The following MARCHF1 variants were observed in gnomAD, a reference collection of about 807,000 sequenced individuals.
MARCHF1 encodes membrane associated ring-CH-type finger 1.
Under a neutral mutation model 54.2 loss-of-function variants are expected in MARCHF1, and 40 were observed. That is an observed-to-expected ratio of 0.74 (90% CI 0.57 to 0.96). MARCHF1 has a LOEUF of 0.96. Among genes scored for constraint, MARCHF1 ranks in the 40% least tolerant of loss-of-function variants. The pLI, the probability that MARCHF1 is intolerant of heterozygous loss-of-function variation, is 0.00. For synonymous variants in MARCHF1, 236 were observed against 236.3 expected, an observed-to-expected ratio of 1.00 and a Z score of 0.01; for missense variants, 586 against 656.5, an observed-to-expected ratio of 0.89 and a Z score of 1.17.
At chr4:164,117,198 C>CG (rs987158518) in intron 1 of MARCHF1, among the ~76,000 whole-genome samples, 23 of 151,858 alleles carry the variant, frequency 1.5e-4, no homozygotes, top group African/African-American at 5.6e-4. Context: ...GCAGAGGTTG[C>CG]GGTGAGCCGA....
chr4:163,748,605 A>G (rs1245890137), intron 4 of MARCHF1, among the ~76,000 whole-genome samples: 1 of 152,190 alleles, frequency 6.6e-6, no homozygotes, highest in Non-Finnish European at 1.5e-5. Flanking sequence ...CAAGTAAGAC[A>G]GCATTTATGT....
At chr4:164,189,317 AAGG>A (rs3059819) in intron 1 of MARCHF1, 65,642 of 604,162 alleles carry the variant, frequency 0.11, 5,202 homozygotes, top group African/African-American at 0.26. Flanking sequence ...TCCTTCTATG[AAGG>A]AGAAGACTTT....
intron 3 of MARCHF1, among the ~76,000 whole-genome samples, chr4:163,892,774 G>A (rs1221014501): frequency 6.6e-6 from 1 of 151,966 alleles, no homozygotes; most frequent in Admixed American, 6.6e-5. Flanking sequence ...AGGGTCTGAA[G>A]GTTCATCTGA....
chr4:164,106,619 G>T (rs1404074833), intron 2 of MARCHF1, among the ~76,000 whole-genome samples: 1 of 147,754 alleles, frequency 6.8e-6, no homozygotes, highest in Non-Finnish European at 1.5e-5. Flanking sequence ...ACTGTTGTGG[G>T]GTAGGGGGAG....
intron 4 of MARCHF1, among the ~76,000 whole-genome samples, chr4:163,832,113 G>A (rs1289615404): frequency 6.6e-6 from 1 of 152,190 alleles, no homozygotes; most frequent in Non-Finnish European, 1.5e-5. Context: ...AATTGAAAAG[G>A]TATATAAGGC....
intron 1 of MARCHF1, among the ~76,000 whole-genome samples, chr4:164,219,632 A>T (rs1393626065): frequency 6.6e-6 from 1 of 151,986 alleles, no homozygotes; most frequent in Non-Finnish European, 1.5e-5. Flanking sequence ...TTATGCCTTC[A>T]TAACACTAAA....
intron 3 of MARCHF1, among the ~76,000 whole-genome samples, chr4:163,901,178 C>A (rs750293263): frequency 6.6e-6 from 1 of 152,156 alleles, no homozygotes; most frequent in East Asian, 1.9e-4. Flanking sequence ...GCTGAGGAAC[C>A]TTTGTTCAGT....
chr4:163,562,772 T>G (rs1357931158), intron 8 of MARCHF1, among the ~76,000 whole-genome samples: 1 of 152,184 alleles, frequency 6.6e-6, no homozygotes, highest in African/African-American at 2.4e-5. Context: ...ACTTTTTATG[T>G]TATTTCCCCA....
intron 5 of MARCHF1, among the ~76,000 whole-genome samples, chr4:163,618,949 C>A (rs1187289100): frequency 6.6e-6 from 1 of 151,994 alleles, no homozygotes; most frequent in African/African-American, 2.4e-5. Flanking sequence ...GAAGGAGACG[C>A]CTGTCCAACA....
intron 1 of MARCHF1, among the ~76,000 whole-genome samples, chr4:164,277,117 TATC>T (rs1291869465): frequency 1.5e-4 from 23 of 152,050 alleles, no homozygotes; most frequent in South Asian, 4.1e-4. Flanking sequence ...CCTCCTTAGA[TATC>T]ATCATTTTTT....
chr4:163,892,534 T>C (rs1390451742), intron 3 of MARCHF1, among the ~76,000 whole-genome samples: 5 of 150,838 alleles, frequency 3.3e-5, no homozygotes, highest in Non-Finnish European at 5.9e-5. Context: ...AATACAGATA[T>C]AATATGTAAC....
chr4:164,218,148 C>T (rs1311557692), intron 1 of MARCHF1, among the ~76,000 whole-genome samples: 1 of 151,288 alleles, frequency 6.6e-6, no homozygotes, highest in Non-Finnish European at 1.5e-5. Context: ...AGGTCAGAAA[C>T]AGGGAAATAA....
intron 1 of MARCHF1, among the ~76,000 whole-genome samples, chr4:164,304,699 C>T (rs1480910117): frequency 6.6e-6 from 1 of 152,100 alleles, no homozygotes; most frequent in Non-Finnish European, 1.5e-5. Flanking sequence ...TGATCCTTAA[C>T]CTCTCAATGC....
At position 164,129,606 on chromosome 4, in the gene MARCHF1, T is replaced by A. The variant is rs1756258816; in HGVS notation, c.-322-17944A>T. ...CTATATATATTATTTTTTGAATTAGTTGATTATATGATTTTCTCATGTAAA... is the reference window on the plus strand; with the variant it reads ...CTATATATATTATTTTTTGAATTAGATGATTATATGATTTTCTCATGTAAA... On this transcript the variant is annotated intron_variant, in intron 1 of 9. Transcript: ENST00000514618. Among the ~76,000 whole-genome samples, 3 of 152,196 alleles carry A rather than the reference T, an allele frequency of 2.0e-5. No individual in the cohort carries two copies. In the South Asian group the frequency reaches 6.2e-4, roughly 31 times the overall value.
intron 3 of MARCHF1, among the ~76,000 whole-genome samples, chr4:163,866,466 T>TTATTTATATATATATATATATATATATA (rs1750050113): frequency 8.0e-6 from 1 of 124,402 alleles, no homozygotes; most frequent in Non-Finnish European, 1.8e-5. Flanking sequence ...AAAGCTGTAG[T>TTATTTATATATATATATATATATATATA]TATATATATA....
At chr4:164,203,407 C>T (rs1731509983) in intron 1 of MARCHF1, among the ~76,000 whole-genome samples, 1 of 152,094 alleles carries the variant, frequency 6.6e-6, no homozygotes, top group South Asian at 2.1e-4. Context: ...ATGGGGTAGC[C>T]TGGCAGCCTG....
chr4:163,581,378 C>G (rs570716587), intron 8 of MARCHF1, among the ~76,000 whole-genome samples: 1 of 152,300 alleles, frequency 6.6e-6, no homozygotes, highest in African/African-American at 2.4e-5. Flanking sequence ...AGTGAAATAG[C>G]AAATTCCCCT....
intron 1 of MARCHF1, among the ~76,000 whole-genome samples, chr4:164,274,201 AG>A (rs1227132907): frequency 3.3e-5 from 5 of 152,232 alleles, no homozygotes; most frequent in Non-Finnish European, 5.9e-5. Flanking sequence ...TCTACGTAAA[AG>A]TTTTCCTTGT....
At chr4:163,692,549 G>A (rs6823500) in intron 5 of MARCHF1, among the ~76,000 whole-genome samples, 3,510 of 152,146 alleles carry the variant, frequency 0.023, 83 homozygotes, top group Non-Finnish European at 0.029. Context: ...AGAATGAGAA[G>A]AAAATTAGCG....
Sources: gnomAD v4.1 joint callset for allele counts (sites outside exome capture counted in the v4.1 genomes callset) on GRCh38, gnomAD v4.1.1 for gene constraint, MANE v1.5 for transcripts, NCBI Gene and HGNC (gene_info 2026-07-23, HGNC 2026-07-21) for gene names.